SLITRK3: variants seen among roughly 807,000 people sequenced by gnomAD.
SLITRK3 encodes the protein SLIT and NTRK like family member 3.
Under a neutral mutation model 63.6 loss-of-function variants are expected in SLITRK3, and 16 were observed. That is an observed-to-expected ratio of 0.25 (90% CI 0.17 to 0.38). The LOEUF (loss-of-function observed/expected upper bound fraction) is 0.38. Among genes scored for constraint, SLITRK3 ranks in the 10% least tolerant of loss-of-function variants. The pLI, the probability that SLITRK3 is intolerant of heterozygous loss-of-function variation, is 1.00. For synonymous variants in SLITRK3, 547 were observed against 451.6 expected (o/e 1.21, Z -2.68); for missense variants, 1,117 against 1,181.4 (o/e 0.95, Z 0.80).
Position 165,188,792 on chromosome 3 carries a change from C to T in SLITRK3, c.2039G>A (p.Arg680Gln), listed in dbSNP as rs1383137176. ...VAAGLFAYVL[R>Q]RRRKKLPFRS... The stretch of plus-strand genomic sequence containing the variant: ...GAAGGGCAGCTTCTTTCGACGCCTT[C>T]GGAGCACGTAGGCAAAGAGGCCTGC... The change falls in exon 2 of 2, where the codon CGA (arginine) becomes CAA (glutamine). Residue 680 changes from arginine (R) to glutamine (Q), a missense_variant. By Grantham distance (43) the Arg-to-Gln change is conservative. This residue lies in a region of SLITRK3 where 499 missense variants were observed against 463.6 expected (regional missense o/e 1.08). Transcript: ENST00000475390. The T allele has an allele frequency of 3.1e-6, 5 of 1,614,042 alleles. No homozygotes were observed. The highest frequency in any genetic ancestry group is 2.2e-5 in the East Asian group (1 of 44,860).
Position 165,189,365 on chromosome 3 carries a change from A to T in SLITRK3, c.1466T>A (p.Phe489Tyr). 1 of 1,614,118 alleles carries T rather than the reference A, an allele frequency of 6.2e-7. No individual in the cohort carries two copies. Among genetic ancestry groups the T allele is most frequent in the Middle Eastern group, 1.6e-4 (1 of 6,062 alleles). ...LQSLHYLYFEFNVIREIQPAA... is the reference protein window; with the variant it reads ...LQSLHYLYFEYNVIREIQPAA... Reference sequence around the variant, plus strand: ...AGGCTGGATTTCCCGGATGACATTGAACTCAAAGTACAAGTAGTGCAAACT... The same window carrying T: ...AGGCTGGATTTCCCGGATGACATTGTACTCAAAGTACAAGTAGTGCAAACT... Residue 489 changes from phenylalanine to tyrosine, a missense_variant, in exon 2 of 2, where the codon TTC (phenylalanine) becomes TAC (tyrosine). Coordinates refer to ENST00000475390, the MANE Select transcript of SLITRK3 (RefSeq NM_001318810.2). This position sits in a 1 kb window ranked among gnomAD's most constrained non-coding sequence, Gnocchi z 4.0.
At position 165,188,458 on chromosome 3, in the gene SLITRK3, G is replaced by C; in HGVS notation, c.2373C>G (p.Leu791=). Residue 791 remains leucine, a synonymous_variant, in exon 2 of 2, where the codon CTC becomes CTG. Transcript: ENST00000475390. ...GTQPPGMGEA[L]LGSEQFAETP... is the part of the protein sequence containing the mutation. ...TCTCAGCAAACTGCTCACTTCCTAGGAGAGCCTCACCCATTCCCGGTGGTT... is the reference window on the plus strand; with the variant it reads ...TCTCAGCAAACTGCTCACTTCCTAGCAGAGCCTCACCCATTCCCGGTGGTT... 1 of 1,613,828 alleles carries C rather than the reference G, an allele frequency of 6.2e-7. No homozygotes were observed. The highest frequency in any genetic ancestry group is 2.2e-5 in the East Asian group (1 of 44,844).
Position 165,187,851 on chromosome 3 carries a change from T to C in SLITRK3, c.*46A>G. 1 of 1,468,964 alleles carries C rather than the reference T, an allele frequency of 6.8e-7. No individual in the cohort carries two copies. Among genetic ancestry groups the C allele is most frequent in the Non-Finnish European group, 9.2e-7 (1 of 1,084,826 alleles). 91.0% of individuals were successfully genotyped at this position (1,468,964 alleles called of 1,614,324 possible). A position where few individuals can be genotyped will look rare whatever the true frequency, so the allele number is the denominator to read the frequency against. Reference sequence around the variant, plus strand: ...AAGGGATATATTTCTTTTATTTTCCTTTTCTTTTGAAAAAAAAAAAGCACT... The same window carrying C: ...AAGGGATATATTTCTTTTATTTTCCCTTTCTTTTGAAAAAAAAAAAGCACT... On this transcript the variant is annotated 3_prime_UTR_variant, in exon 2 of 2. Transcript: ENST00000475390.
rs776693767 is a variant in SLITRK3, at chr3:165,189,858, C to T, written c.973G>A (p.Glu325Lys). The T allele has an allele frequency of 9.9e-6, 16 of 1,613,846 alleles. No homozygotes were observed. The highest frequency in any genetic ancestry group is 5.0e-5 in the Admixed American group (3 of 59,978). Residue 325 changes from glutamate (E) to lysine (K), a missense_variant, in exon 2 of 2, where the codon GAA becomes AAA. Physicochemically the swap from Glu to Lys is moderately conservative, Grantham distance 56. Coordinates refer to ENST00000475390, the MANE Select transcript of SLITRK3 (RefSeq NM_001318810.2). The surrounding 1 kb of genome is among the most constrained non-coding windows in gnomAD (Gnocchi z 4.0). Reference protein sequence around the residue: ...SSVHFTASSVEYKSSNKQPKP... With the variant: ...SSVHFTASSVKYKSSNKQPKP... ...GGCTGTTTATTTGAGGACTTGTATT[C>T]GACAGAAGAAGCAGTAAAATGAACA...
At chr3:165,196,926 T>TCTCTCTCTCTCTCTCC (rs1560057640), upstream of SLITRK3, 2 of 31,112 alleles carry the variant, frequency 6.4e-5, no homozygotes, top group Non-Finnish European at 8.3e-5. Flanking sequence ...TCTCTCTCTC[T>TCTCTCTCTCTCTCTCC]CCTCTCTCTG....
At chr3:165,194,868 G>A (rs759251244) in intron 1 of SLITRK3, among the ~76,000 whole-genome samples, 2 of 152,148 alleles carry the variant, frequency 1.3e-5, no homozygotes, top group African/African-American at 4.8e-5. Flanking sequence ...CTTTAGCTCA[G>A]GATAGCGCGT....
chr3:165,192,580 G>GAA (rs753476260), intron 1 of SLITRK3, among the ~76,000 whole-genome samples: 2 of 117,548 alleles, frequency 1.7e-5, no homozygotes, highest in African/African-American at 6.3e-5. Flanking sequence ...AAAAGAAAAA[G>GAA]AAAAAAAAAA....
rs773631847 is a variant in SLITRK3 at position 165,189,680 on chromosome 3, T to C, written c.1151A>G (p.Asn384Ser). The C allele has an allele frequency of 1.4e-5, 22 of 1,614,050 alleles. No homozygotes were observed. Among genetic ancestry groups the C allele is most frequent in the Admixed American group, 5.0e-5 (3 of 60,006 alleles). ...PTGCTCNLHI[N>S]DLGLTVNCKE... Reference sequence around the variant, plus strand: ...GCAGTTGACAGTCAAGCCAAGGTCATTGATGTGCAAATTACAGGTACACCC... The same window carrying C: ...GCAGTTGACAGTCAAGCCAAGGTCACTGATGTGCAAATTACAGGTACACCC... Residue 384 changes from asparagine to serine, a missense_variant, in exon 2 of 2, where the codon AAT (asparagine) becomes AGT (serine). This residue lies in a region of SLITRK3 where 452 missense variants were observed against 495.3 expected (regional missense o/e 0.91). Transcript: ENST00000475390. The surrounding 1 kb of genome is among the most constrained non-coding windows in gnomAD (Gnocchi z 4.0).
At position 165,189,723 on chromosome 3, in the gene SLITRK3, G is replaced by A. The variant is rs1456860557; in HGVS notation, c.1108C>T (p.Pro370Ser). The change falls in exon 2 of 2, where the codon CCC (proline) becomes TCC (serine). Residue 370 changes from proline (P) to serine (S), a missense_variant. Physicochemically the swap from Pro to Ser is moderately conservative, Grantham distance 74. This residue lies in a region of SLITRK3 where 452 missense variants were observed against 495.3 expected (regional missense o/e 0.91). Coordinates refer to ENST00000475390, the MANE Select transcript of SLITRK3 (RefSeq NM_001318810.2). The surrounding 1 kb of genome is among the most constrained non-coding windows in gnomAD (Gnocchi z 4.0). ...GTACACCCAGTGGGGCATATAATGG[G>A]GATTGGTGGTCTGGTCTGATAAGGA... Reference protein sequence around the residue: ...IAPYQTRPPIPIICPTGCTCN... With the variant: ...IAPYQTRPPISIICPTGCTCN... The A allele has an allele frequency of 1.2e-6, 2 of 1,614,154 alleles. No homozygotes were observed. Among genetic ancestry groups the A allele is most frequent in the South Asian group, 1.1e-5 (1 of 91,082 alleles).
At chr3:165,191,631 T>A (rs1417022921) in intron 1 of SLITRK3, among the ~76,000 whole-genome samples, 1 of 152,232 alleles carries the variant, frequency 6.6e-6, no homozygotes, top group Non-Finnish European at 1.5e-5. Context: ...CTAAAAAACA[T>A]GCCCGTGCAA....
chr3:165,188,477 G>A lies in SLITRK3; in HGVS notation c.2354C>T (p.Pro785Leu), dbSNP rs1490316717. Residue 785 changes from proline (P) to leucine (L), a missense_variant, in exon 2 of 2, where the codon CCG (proline) becomes CTG (leucine). By Grantham distance (98) the Pro-to-Leu change is moderately conservative. Around this residue, in one of 4 missense-constraint regions of SLITRK3, gnomAD observed 499 missense variants for 463.6 expected, o/e 1.08. Transcript: ENST00000475390. Reference sequence around the variant, plus strand: ...TCCTAGGAGAGCCTCACCCATTCCCGGTGGTTGTGTCCCTGGACCCCCACG... The same window carrying A: ...TCCTAGGAGAGCCTCACCCATTCCCAGTGGTTGTGTCCCTGGACCCCCACG... ...AERGGPGTQP[P>L]GMGEALLGSE... is the part of the protein sequence containing the mutation. 1.4e-5 allele frequency: 22 copies of A among 1,613,772 alleles called. No individual in the cohort carries two copies. Among genetic ancestry groups the A allele is most frequent in the Admixed American group, 5.0e-5 (3 of 59,982 alleles).
In SLITRK3 at chr3:165,189,412, T is replaced by G. The variant is rs745848219; in HGVS notation, c.1419A>C (p.Pro473=). The part of the protein sequence containing the change: ...LNGNDIEKLT[P]GMFRGLQSLH... ...AACTCTGTAGGCCTCGGAACATGCC[T>G]GGTGTCAGCTTCTCTATATCGTTGC... Residue 473 remains proline, a synonymous_variant, in exon 2 of 2, where the codon CCA becomes CCC. Transcript: ENST00000475390. The surrounding 1 kb of genome is among the most constrained non-coding windows in gnomAD (Gnocchi z 4.0). The G allele has an allele frequency of 1.2e-6, 2 of 1,613,372 alleles. No individual in the cohort carries two copies. The highest frequency in any genetic ancestry group is 2.7e-5 in the African/African-American group (2 of 74,912).
rs138731693 is a variant in SLITRK3 at position 165,189,731 on chromosome 3, G to T, written c.1100C>A (p.Pro367Gln). The change falls in exon 2 of 2, where the codon CCA (proline) becomes CAA (glutamine). Residue 367 changes from proline to glutamine, a missense_variant. Coordinates refer to ENST00000475390, the MANE Select transcript of SLITRK3 (RefSeq NM_001318810.2). This position sits in a 1 kb window ranked among gnomAD's most constrained non-coding sequence, Gnocchi z 4.0. ...AGTGGGGCATATAATGGGGATTGGTGGTCTGGTCTGATAAGGAGCAATGGG... is the reference window on the plus strand; with the variant it reads ...AGTGGGGCATATAATGGGGATTGGTTGTCTGGTCTGATAAGGAGCAATGGG... Reference protein sequence around the residue: ...QPPIAPYQTRPPIPIICPTGC... With the variant: ...QPPIAPYQTRQPIPIICPTGC... The T allele has an allele frequency of 1.2e-6, 2 of 1,614,170 alleles. No homozygotes were observed. The highest frequency in any genetic ancestry group is 4.5e-5 in the East Asian group (2 of 44,872).
Position 165,189,490 on chromosome 3 carries a change from G to A in SLITRK3, c.1341C>T (p.Val447=). Residue 447 remains valine (V), a synonymous_variant, in exon 2 of 2, where the codon GTC becomes GTT. Transcript: ENST00000475390. This position sits in a 1 kb window ranked among gnomAD's most constrained non-coding sequence, Gnocchi z 4.0. ...GCAAGTTGATAAAGGCCCCATCTTG[G>A]ACATAGGAAATACGATTGTTCCCCA... ...LHLGNNRISY[V]QDGAFINLPN... The A allele has an allele frequency of 6.2e-7, 1 of 1,613,668 alleles. No individual in the cohort carries two copies. Among genetic ancestry groups the A allele is most frequent in the East Asian group, 2.2e-5 (1 of 44,876 alleles).
chr3:165,193,459 G>A (rs750720327), intron 1 of SLITRK3, among the ~76,000 whole-genome samples: 37 of 151,924 alleles, frequency 2.4e-4, no homozygotes, highest in Non-Finnish European at 5.0e-4. Context: ...GCAATGACGG[G>A]GATGGGGGGA....
chr3:165,191,035 C>T (rs1168748494), intron 1 of SLITRK3, among the ~76,000 whole-genome samples, 184 bp from the exon 2 acceptor site: 1 of 152,168 alleles, frequency 6.6e-6, no homozygotes, highest in African/African-American at 2.4e-5. Flanking sequence ...ACTTAGGAGA[C>T]TCTGAAATAT....
chr3:165,187,908 A>G lies in SLITRK3; in HGVS notation c.2923T>C (p.Tyr975His), dbSNP rs1417989390. Residue 975 changes from tyrosine to histidine, a missense_variant, in exon 2 of 2, where the codon TAC becomes CAC. Physicochemically the swap from Tyr to His is moderately conservative, Grantham distance 83 (BLOSUM62 2). Around this residue, in one of 4 missense-constraint regions of SLITRK3, gnomAD observed 499 missense variants for 463.6 expected, o/e 1.08. Transcript: ENST00000475390. ...DYLEVLEKTT[Y>H]RF ...TTTTCTTCTCTCTGTTAGAACCTGT[A>G]TGTTGTCTTCTCCAGGACTTCGAGG... The G allele has an allele frequency of 1.2e-6, 2 of 1,610,260 alleles. No homozygotes were observed. Among genetic ancestry groups the G allele is most frequent in the East Asian group, 2.2e-5 (1 of 44,816 alleles).
Position 165,188,366 on chromosome 3 carries a change from A to T in SLITRK3, c.2465T>A (p.Val822Glu). 1.9e-6 allele frequency: 3 copies of T among 1,613,866 alleles called. No homozygotes were observed. Among genetic ancestry groups the T allele is most frequent in the African/African-American group, 2.7e-5 (2 of 74,954 alleles). Reference sequence around the variant, plus strand: ...TATGGTGTTAAGCTGGGAGCTGGACACTGCTAGGGCCCACTCCTTCTCTTT... The same window carrying T: ...TATGGTGTTAAGCTGGGAGCTGGACTCTGCTAGGGCCCACTCCTTCTCTTT... ...LEKEKEWALA[V>E]SSSQLNTIVT... Residue 822 changes from valine to glutamate, a missense_variant, in exon 2 of 2, where the codon GTG becomes GAG. Transcript: ENST00000475390.
In SLITRK3 at chr3:165,189,758, G is replaced by C; in HGVS notation, c.1073C>G (p.Pro358Arg). 1 of 1,614,192 alleles carries C rather than the reference G, an allele frequency of 6.2e-7. No individual in the cohort carries two copies. Among genetic ancestry groups the C allele is most frequent in the Non-Finnish European group, 8.5e-7 (1 of 1,180,046 alleles). ...TCTGGTCTGATAAGGAGCAATGGGA[G>C]GCTGGTTTGGACCAGGATATAAAGC... ...SQALYPGPNQ[P>R]PIAPYQTRPP... Residue 358 changes from proline to arginine, a missense_variant, in exon 2 of 2, where the codon CCT (proline) becomes CGT (arginine). Physicochemically the swap from Pro to Arg is moderately radical, Grantham distance 103. Coordinates refer to ENST00000475390, the MANE Select transcript of SLITRK3 (RefSeq NM_001318810.2). This position sits in a 1 kb window ranked among gnomAD's most constrained non-coding sequence, Gnocchi z 4.0.
Sources: allele counts gnomAD v4.1 joint callset (sites outside exome capture counted in the v4.1 genomes callset), GRCh38; gene constraint gnomAD v4.1.1; regional missense constraint gnomAD v4.1.1; non-coding constraint Gnocchi (gnomAD v3.1); transcripts MANE v1.5; gene names NCBI Gene and HGNC (gene_info 2026-07-23, HGNC 2026-07-21).